Variants in KCNJ1 observed in about 807,000 individuals in gnomAD.
The protein encoded by KCNJ1 is ATP-sensitive inward rectifier potassium channel 1.
Under a neutral mutation model 21.9 loss-of-function variants are expected in KCNJ1, and 24 were observed. The observed-to-expected ratio is 1.10, with a 90% confidence interval of 0.79 to 1.54. KCNJ1 has a LOEUF of 1.54. Ranked by LOEUF, KCNJ1 falls within the 40% of genes most tolerant of loss-of-function variation. The pLI is 0.00. For synonymous variants in KCNJ1, 152 were observed against 160.9 expected (o/e 0.94, Z 0.42); for missense variants, 457 against 455.4 (o/e 1.00, Z -0.03).
At chr11:128,842,675 T>G in intron 2 of KCNJ1, 1 of 631,990 alleles carries the variant, frequency 1.6e-6, no homozygotes, top group South Asian at 2.0e-5. Context: ...TGCTAAGACA[T>G]GACAAGCCAT....
intron 2 of KCNJ1, among the ~76,000 whole-genome samples, chr11:128,840,599 T>A (rs1943267361): frequency 6.6e-6 from 1 of 152,238 alleles, no homozygotes. Flanking sequence ...TTATGACCTG[T>A]ATTTTTATTT....
At chr11:128,856,744 C>G (rs140836425) in intron 1 of KCNJ1, among the ~76,000 whole-genome samples, 1 of 152,246 alleles carries the variant, frequency 6.6e-6, no homozygotes, top group Non-Finnish European at 1.5e-5. Flanking sequence ...TCACCTCACA[C>G]GCAATCCATC....
intron 2 of KCNJ1, among the ~76,000 whole-genome samples, chr11:128,845,967 G>T (rs1221497707): frequency 6.6e-6 from 1 of 152,192 alleles, no homozygotes; most frequent in Non-Finnish European, 1.5e-5. Context: ...GTCTGATGGT[G>T]TTGGTACTCT....
chr11:128,864,784 C>T (rs962013121), intron 1 of KCNJ1, among the ~76,000 whole-genome samples: 1 of 152,120 alleles, frequency 6.6e-6, no homozygotes, highest in Non-Finnish European at 1.5e-5. Flanking sequence ...CTCGCCTGTC[C>T]CCATCACTCT....
chr11:128,858,977 C>T (rs1037619790), intron 1 of KCNJ1, among the ~76,000 whole-genome samples: 22 of 152,202 alleles, frequency 1.4e-4, no homozygotes. Flanking sequence ...CAGGTCACCC[C>T]TCTTATGTGA....
At position 128,845,254 on chromosome 11, in the gene KCNJ1, A is replaced by G. The variant is rs77953703; in HGVS notation, c.-21-4990T>C. Reference sequence around the variant, plus strand: ...TGCAAGGTAACAGTCCCTGCTCTCAAGTTGTTCACGAATAAGTAATTCAAG... The same window carrying G: ...TGCAAGGTAACAGTCCCTGCTCTCAGGTTGTTCACGAATAAGTAATTCAAG... On this transcript the variant is annotated intron_variant, in intron 2 of 2. Transcript: ENST00000392666. Among the ~76,000 whole-genome samples, 177 of 152,374 alleles carry G rather than the reference A, an allele frequency of 1.2e-3. 2 individuals are homozygous for G. Among genetic ancestry groups the G allele is most frequent in the African/African-American group, 4.0e-3 (166 of 41,594 alleles).
chr11:128,841,714 G>A, intron 2 of KCNJ1, among the ~76,000 whole-genome samples: 1 of 152,270 alleles, frequency 6.6e-6, no homozygotes, highest in East Asian at 1.9e-4. Context: ...CTTGTTCAAG[G>A]CCTTAACCCA....
intron 2 of KCNJ1, among the ~76,000 whole-genome samples, chr11:128,850,396 A>G (rs1943462480): frequency 6.6e-6 from 1 of 152,202 alleles, no homozygotes; most frequent in East Asian, 1.9e-4. Context: ...TGTCTCCTCC[A>G]CTGCCATGTC....
chr11:128,854,003 G>C (rs1206395324), intron 1 of KCNJ1, among the ~76,000 whole-genome samples: 1 of 152,256 alleles, frequency 6.6e-6, no homozygotes, highest in African/African-American at 2.4e-5. Context: ...AGGTGTGTTT[G>C]GGTGAAGCAG....
At chr11:128,847,177 G>A (rs3867248) in intron 2 of KCNJ1, among the ~76,000 whole-genome samples, 14,271 of 152,014 alleles carry the variant, frequency 0.094, 837 homozygotes, top group East Asian at 0.3. Context: ...CTCCCCCGCC[G>A]CATCACCTGA....
chr11:128,865,179 C>A (rs1258624744), intron 1 of KCNJ1, among the ~76,000 whole-genome samples: 2 of 152,120 alleles, frequency 1.3e-5, no homozygotes, highest in Non-Finnish European at 2.9e-5. Flanking sequence ...TCCTGCCCAC[C>A]CAGCGCATTT....
chr11:128,840,396 G>T, intron 2 of KCNJ1, 132 bp from the exon 3 acceptor site: 1 of 870,512 alleles, frequency 1.1e-6, no homozygotes, highest in Non-Finnish European at 1.8e-6. Context: ...TTGGCAAGCT[G>T]ACAAGTTTAT....
At chr11:128,855,323 C>T (rs1943568644) in intron 1 of KCNJ1, among the ~76,000 whole-genome samples, 1 of 152,076 alleles carries the variant, frequency 6.6e-6, no homozygotes, top group Non-Finnish European at 1.5e-5. Context: ...CCTTTCCCAC[C>T]TTGCCAAGGT....
At chr11:128,864,110 G>T (rs71481825) in intron 1 of KCNJ1, among the ~76,000 whole-genome samples, 3 of 94,780 alleles carry the variant, frequency 3.2e-5, no homozygotes, top group Non-Finnish European at 3.8e-5. Context: ...TTGAGACAAA[G>T]TCTCACCCTA....
At chr11:128,845,855 A>G (rs538373520) in intron 2 of KCNJ1, among the ~76,000 whole-genome samples, 3 of 152,184 alleles carry the variant, frequency 2.0e-5, no homozygotes, top group African/African-American at 7.2e-5. Context: ...TATGAACCAG[A>G]GTGTGTCTGT....
chr11:128,846,113 T>C, intron 2 of KCNJ1, among the ~76,000 whole-genome samples: 1 of 152,038 alleles, frequency 6.6e-6, no homozygotes, highest in East Asian at 1.9e-4. Context: ...CCAGAAGAGG[T>C]AACAGCTAGG....
chr11:128,862,000 G>A (rs536453174), intron 1 of KCNJ1, among the ~76,000 whole-genome samples: 1 of 152,312 alleles, frequency 6.6e-6, no homozygotes, highest in Admixed American at 6.5e-5. Flanking sequence ...TCAGGTCCCA[G>A]TGGCCGTGGT....
chr11:128,862,853 A>G (rs1481741202), intron 1 of KCNJ1, among the ~76,000 whole-genome samples: 14 of 152,214 alleles, frequency 9.2e-5, no homozygotes. Flanking sequence ...CAAAATGGTC[A>G]CATGCACTTT....
rs558476195 is a variant in KCNJ1 at position 128,850,074 on chromosome 11, C to T, written c.-22+647G>A. Among the ~76,000 whole-genome samples, 12 of 152,080 alleles carry T rather than the reference C, an allele frequency of 7.9e-5. No homozygotes were observed. The South Asian group carries it at 2.5e-3, about 32-fold the overall frequency. ...GCAAAAAAGGACACATCGGAGGGCC[C>T]CCCCGCCTCCAACCATAGAGGCTGG... On this transcript the variant is annotated intron_variant, in intron 2 of 2. Coordinates refer to ENST00000392666, the MANE Select transcript of KCNJ1 (RefSeq NM_153766.3).
Sources: allele counts gnomAD v4.1 joint callset (sites outside exome capture counted in the v4.1 genomes callset), GRCh38; gene constraint gnomAD v4.1.1; transcripts MANE v1.5; gene names NCBI Gene and HGNC (gene_info 2026-07-23, HGNC 2026-07-21).